Variants in FBXO31 observed in about 807,000 individuals in gnomAD.
FBXO31 encodes F-box only protein 31.
In FBXO31, 24 loss-of-function variants were observed where a neutral mutation model predicts 54.4. The observed-to-expected ratio is 0.44, with a 90% CI of 0.32 to 0.62. FBXO31 has a LOEUF of 0.62. Ranked by LOEUF, FBXO31 falls within the 20% of genes least tolerant of loss-of-function variation. The pLI, the probability that FBXO31 is intolerant of heterozygous loss-of-function variation, is 0.05. For synonymous variants in FBXO31, 388 were observed against 335.6 expected, an observed-to-expected ratio of 1.16 and a Z score of -1.71; for missense variants, 665 against 787.1, an observed-to-expected ratio of 0.84 and a Z score of 1.86.
Position 87,334,181 on chromosome 16 carries a change from G to T in FBXO31, c.1102C>A (p.Arg368Ser). Residue 368 changes from arginine (R) to serine (S), a missense_variant, in exon 8 of 9, where the codon CGC becomes AGC. Transcript: ENST00000311635. ...CTCTCGCGCACCTCCAGGACGATGC[G>T]GGAGAGCTCATTGAAGTTGCGCTGG... ...ENQRNFNELS[R>S]IVLEVRERVR... 2 of 1,612,874 alleles carry T rather than the reference G, an allele frequency of 1.2e-6. No homozygotes were observed. Among genetic ancestry groups the T allele is most frequent in the Non-Finnish European group, 1.7e-6 (2 of 1,179,772 alleles).
intron 1 of FBXO31, among the ~76,000 whole-genome samples, chr16:87,364,431 G>C (rs537215404): frequency 6.6e-6 from 1 of 152,356 alleles, no homozygotes; most frequent in Admixed American, 6.5e-5. Flanking sequence ...GGGTGCACCA[G>C]GACGCAGCCA....
At chr16:87,384,711 G>A (rs1907265304), upstream of FBXO31, among the ~76,000 whole-genome samples, 1 of 152,224 alleles carries the variant, frequency 6.6e-6, no homozygotes, top group Admixed American at 6.5e-5. Flanking sequence ...ACCGGCCTGG[G>A]CAATACAGCG....
chr16:87,388,392 T>C (rs1222294827), upstream of FBXO31, among the ~76,000 whole-genome samples: 1 of 152,222 alleles, frequency 6.6e-6, no homozygotes, highest in Admixed American at 6.5e-5. Flanking sequence ...TCTTGAGCAA[T>C]ACTTGTTTGT....
chr16:87,337,078 C>G (rs1421968986), intron 5 of FBXO31, among the ~76,000 whole-genome samples: 1 of 152,176 alleles, frequency 6.6e-6, no homozygotes, highest in African/African-American at 2.4e-5. Context: ...GAAATCACTG[C>G]AGGAGCTGCA....
At chr16:87,355,241 G>A (rs796344197) in intron 2 of FBXO31, among the ~76,000 whole-genome samples, 17 of 152,278 alleles carry the variant, frequency 1.1e-4, no homozygotes, top group African/African-American at 3.9e-4. Context: ...AGGTCCAAAG[G>A]ACTTCAACAC....
chr16:87,335,218 C>T lies in FBXO31; in HGVS notation c.996+86G>A, dbSNP rs1905007737. ...TCTGAGGAGCAAGGGTGCCGGGGAT[C>T]AGTGTCTGCCCAAGTTCCCTGACTC... is the stretch of plus-strand genomic sequence containing the variant. On this transcript the variant is annotated intron_variant, in intron 7 of 8. Coordinates refer to ENST00000311635, the MANE Select transcript of FBXO31 (RefSeq NM_024735.5). This position sits in a 1 kb window ranked among gnomAD's most constrained non-coding sequence, Gnocchi z 5.7. 6 of 1,574,980 alleles carry T rather than the reference C, an allele frequency of 3.8e-6. No individual in the cohort carries two copies. The highest frequency in any genetic ancestry group is 5.2e-6 in the Non-Finnish European group (6 of 1,157,850).
rs35882789 is a variant in FBXO31, at chr16:87,336,764, G to A, written c.733-500C>T. Among the ~76,000 whole-genome samples, 2,543 of 152,242 alleles carry A rather than the reference G, an allele frequency of 0.017. 37 individuals carry two copies. The highest frequency in any genetic ancestry group is 0.033 in the African/African-American group (1,384 of 41,528). On this transcript the variant is annotated intron_variant, in intron 5 of 8. Coordinates refer to ENST00000311635, the MANE Select transcript of FBXO31 (RefSeq NM_024735.5). This position sits in a 1 kb window ranked among gnomAD's most constrained non-coding sequence, Gnocchi z 6.5. The stretch of plus-strand genomic sequence containing the variant: ...GCACTGAGCCCTCGGCCAGTGACTG[G>A]GTGGATTTTCCTTTTTCAAAGGAAA...
At chr16:87,359,368 C>A (rs191068405) in intron 2 of FBXO31, among the ~76,000 whole-genome samples, 1 of 152,286 alleles carries the variant, frequency 6.6e-6, no homozygotes, top group Non-Finnish European at 1.5e-5. Context: ...TCAGGCAACA[C>A]CTCCGACCCC....
In FBXO31 at chr16:87,335,267, C is replaced by A; in HGVS notation, c.996+37G>T. ...TCCACAGCCCACTTGGGCCAGGTGC[C>A]CCCAGAGCCCCACCAACCAGGTCAG... is the stretch of plus-strand genomic sequence containing the variant. On this transcript the variant is annotated intron_variant, in intron 7 of 8. Coordinates refer to ENST00000311635, the MANE Select transcript of FBXO31 (RefSeq NM_024735.5). This position sits in a 1 kb window ranked among gnomAD's most constrained non-coding sequence, Gnocchi z 5.7. 1 of 1,609,514 alleles carries A rather than the reference C, an allele frequency of 6.2e-7. No individual in the cohort carries two copies. The highest frequency in any genetic ancestry group is 8.5e-7 in the Non-Finnish European group (1 of 1,179,832).
Position 87,330,868 on chromosome 16 carries a change from G to A in FBXO31, c.*420C>T, listed in dbSNP as rs1904826781. The stretch of plus-strand genomic sequence containing the variant: ...TGCCTGGCTTCCCCCAAAAGGAGTG[G>A]GGTGGAGCACATGCGTCTCACACAC... On this transcript the variant is annotated 3_prime_UTR_variant, in exon 9 of 9. Coordinates refer to ENST00000311635, the MANE Select transcript of FBXO31 (RefSeq NM_024735.5). 2 of 188,380 alleles carry A rather than the reference G, an allele frequency of 1.1e-5. No individual in the cohort carries two copies. Among genetic ancestry groups the A allele is most frequent in the South Asian group, 1.1e-4 (1 of 9,364 alleles). 11.7% of individuals were successfully genotyped at this position (188,380 alleles called of 1,614,324 possible).
At chr16:87,362,468 C>CCATT (rs1218868509) in intron 1 of FBXO31, 2 of 151,858 alleles carry the variant, frequency 1.3e-5, no homozygotes, top group Non-Finnish European at 2.9e-5. Context: ...TTAAAACATA[C>CCATT]CATTCATTCA....
chr16:87,344,873 C>G (rs1161097786), intron 3 of FBXO31, among the ~76,000 whole-genome samples: 1 of 151,838 alleles, frequency 6.6e-6, no homozygotes, highest in Non-Finnish European at 1.5e-5. Context: ...AAACCCATCC[C>G]TGCCCCAAAC....
chr16:87,336,850 T>C lies in FBXO31; in HGVS notation c.733-586A>G, dbSNP rs559962125. Among the ~76,000 whole-genome samples the C allele has an allele frequency of 6.6e-6, 1 of 152,364 alleles. No homozygotes were observed. Among genetic ancestry groups the C allele is most frequent in the Non-Finnish European group, 1.5e-5 (1 of 68,032 alleles). ...AGCCCCACCAGTCCGCCCTGCATTCTGCCATCACATGGTGCTGAGGATATT... is the reference window on the plus strand; with the variant it reads ...AGCCCCACCAGTCCGCCCTGCATTCCGCCATCACATGGTGCTGAGGATATT... On this transcript the variant is annotated intron_variant, in intron 5 of 8. Transcript: ENST00000311635. The surrounding 1 kb of genome is among the most constrained non-coding windows in gnomAD (Gnocchi z 6.5).
rs1036408999 is a variant in FBXO31, at chr16:87,356,245, AAAAG to A, written c.412+4046_412+4049del. 9.3e-5 allele frequency among the ~76,000 whole-genome samples: 14 copies of A among 150,920 alleles called. No individual in the cohort carries two copies. In the South Asian group the frequency reaches 1.5e-3, roughly 16 times the overall value. ...CTCCATCTCAAAAAAAAAAAAAAAG[AAAAG>A]AAAGAAAGAAAAGAAAAGCCAGCAC... On this transcript the variant is annotated intron_variant, in intron 2 of 8. Coordinates refer to ENST00000311635, the MANE Select transcript of FBXO31 (RefSeq NM_024735.5).
intron 1 of FBXO31, among the ~76,000 whole-genome samples, chr16:87,377,260 C>T (rs1407634275): frequency 2.6e-5 from 4 of 152,144 alleles, no homozygotes; most frequent in Non-Finnish European, 5.9e-5. Flanking sequence ...GCCTGGGCAA[C>T]GTGGTAAAAA....
intron 1 of FBXO31, among the ~76,000 whole-genome samples, chr16:87,371,036 C>A (rs559027509): frequency 2.4e-4 from 37 of 152,326 alleles, no homozygotes; most frequent in African/African-American, 8.4e-4. Flanking sequence ...AGCCACCAGC[C>A]TGACTGCATG....
rs1907157884 is a variant in FBXO31 at position 87,383,113 on chromosome 16, CCG to C, written c.340+290_340+291del. 6.6e-6 allele frequency among the ~76,000 whole-genome samples: 1 copy of C among 152,070 alleles called. No homozygotes were observed. The highest frequency in any genetic ancestry group is 2.1e-4 in the South Asian group (1 of 4,828). ...CCTCGGCCCCGTGGTGTCCCGTGCC[CCG>C]CGTCAGGGCCTCTTCGATGCCTCCC... On this transcript the variant is annotated intron_variant, in intron 1 of 8. Coordinates refer to ENST00000311635, the MANE Select transcript of FBXO31 (RefSeq NM_024735.5). The surrounding 1 kb of genome is among the most constrained non-coding windows in gnomAD (Gnocchi z 4.9).
In FBXO31 at chr16:87,342,867, G is replaced by T. The variant is rs770187392; in HGVS notation, c.732+10C>A. 2.2e-5 allele frequency: 35 copies of T among 1,593,304 alleles called. No homozygotes were observed. The East Asian group carries it at 7.9e-4, about 36-fold the overall frequency. On this transcript the variant is annotated intron_variant, in intron 5 of 8. Coordinates refer to ENST00000311635, the MANE Select transcript of FBXO31 (RefSeq NM_024735.5). ...CACCATATGAACACAGGGCCGGCTG[G>T]TGGGCTCACCTCCTGCCTCCCGCCG...
At chr16:87,334,880 AGGAGCTGCTGAAGCTCAGACAGGGTG>A (rs1322894295) in intron 7 of FBXO31, among the ~76,000 whole-genome samples, 2 of 152,122 alleles carry the variant, frequency 1.3e-5, no homozygotes, top group Non-Finnish European at 2.9e-5. Flanking sequence ...CTCCAAGGAG[AGGAGCTGCTGAAGCTCAGACAGGGTG>A]GGAGCTGTCT....
Sources: gnomAD v4.1 joint callset for allele counts (sites outside exome capture counted in the v4.1 genomes callset) on GRCh38, gnomAD v4.1.1 for gene constraint, Gnocchi (gnomAD v3.1) non-coding constraint, MANE v1.5 for transcripts, NCBI Gene and HGNC (gene_info 2026-07-23, HGNC 2026-07-21) for gene names.